AUTS2: variants seen among roughly 807,000 people sequenced by gnomAD.
The protein encoded by AUTS2 is activator of transcription and developmental regulator AUTS2.
Under a neutral mutation model 112.4 loss-of-function variants are expected in AUTS2, and 17 were observed. That is an observed-to-expected ratio of 0.15 (90% CI 0.10 to 0.23). The LOEUF is 0.23. Among genes scored for constraint, AUTS2 ranks in the 10% least tolerant of loss-of-function variants. The pLI is 1.00. For synonymous variants in AUTS2, 751 were observed against 702.7 expected (o/e 1.07, Z -1.09); for missense variants, 1,510 against 1,701.6 (o/e 0.89, Z 1.98).
chr7:69,710,074 G>A (rs1199731922), intron 1 of AUTS2, among the ~76,000 whole-genome samples: 1 of 152,130 alleles, frequency 6.6e-6, no homozygotes, highest in Non-Finnish European at 1.5e-5. Flanking sequence ...CCTCTAAATT[G>A]TAGGAAGATC....
chr7:69,989,763 C>T (rs916617532), intron 2 of AUTS2, among the ~76,000 whole-genome samples: 1 of 152,186 alleles, frequency 6.6e-6, no homozygotes. Context: ...TGGTACCTGT[C>T]CATAGCCCAT....
intron 2 of AUTS2, among the ~76,000 whole-genome samples, chr7:69,981,888 C>T (rs1450921606): frequency 5.3e-5 from 8 of 152,096 alleles, no homozygotes; most frequent in Admixed American, 4.6e-4. Flanking sequence ...GTAATTTATT[C>T]CCAGTTGTTT....
intron 4 of AUTS2, among the ~76,000 whole-genome samples, chr7:70,278,673 G>A (rs1788062061): frequency 6.6e-6 from 1 of 152,030 alleles, no homozygotes; most frequent in Non-Finnish European, 1.5e-5. Flanking sequence ...ACTTTAAAAA[G>A]CATTGAAATG....
intron 4 of AUTS2, among the ~76,000 whole-genome samples, chr7:70,223,614 CT>C (rs1172179836): frequency 6.6e-6 from 1 of 152,152 alleles, no homozygotes; most frequent in Non-Finnish European, 1.5e-5. Context: ...TAATTTTACA[CT>C]TATTTTAGTG....
At chr7:70,090,283 T>A (rs979047270) in intron 2 of AUTS2, among the ~76,000 whole-genome samples, 2 of 152,072 alleles carry the variant, frequency 1.3e-5, no homozygotes, top group African/African-American at 4.8e-5. Flanking sequence ...AATTCTACTT[T>A]TATATATGTT....
intron 4 of AUTS2, among the ~76,000 whole-genome samples, chr7:70,314,585 A>G (rs541019825): frequency 2.6e-5 from 4 of 152,244 alleles, no homozygotes; most frequent in African/African-American, 7.2e-5. Flanking sequence ...ACAGTCCTCA[A>G]ATTTGTTGCT....
At chr7:69,640,057 C>A (rs1320782151) in intron 1 of AUTS2, among the ~76,000 whole-genome samples, 1 of 152,204 alleles carries the variant, frequency 6.6e-6, no homozygotes, top group Non-Finnish European at 1.5e-5. Flanking sequence ...TGGATGATTT[C>A]TATGGCAACT....
chr7:69,823,671 C>G (rs991715560), intron 1 of AUTS2, among the ~76,000 whole-genome samples: 7 of 152,118 alleles, frequency 4.6e-5, no homozygotes, highest in African/African-American at 7.2e-5. Flanking sequence ...TACTGGGGAT[C>G]ACTTCAGCTT....
intron 5 of AUTS2, among the ~76,000 whole-genome samples, chr7:70,696,725 C>T (rs1225986171): frequency 1.3e-5 from 2 of 152,090 alleles, no homozygotes; most frequent in African/African-American, 2.4e-5. Context: ...TGGTCAGGAA[C>T]CATTTACTTT....
At chr7:69,827,001 T>A (rs1361441750) in intron 1 of AUTS2, among the ~76,000 whole-genome samples, 5 of 152,190 alleles carry the variant, frequency 3.3e-5, no homozygotes, top group Non-Finnish European at 5.9e-5. Context: ...CTGTCTTTAT[T>A]AGGCATTTGG....
chr7:69,803,514 GT>G (rs1261875273), intron 1 of AUTS2, among the ~76,000 whole-genome samples: 1 of 94,608 alleles, frequency 1.1e-5, no homozygotes, highest in Non-Finnish European at 2.0e-5. Flanking sequence ...GCATACAAAT[GT>G]TACCATCTTT....
chr7:70,462,957 C>CAA lies in AUTS2; in HGVS notation c.690+27189_690+27190dup, dbSNP rs11376710. ...TGGGTGACAGAGCGAGACTCCGTCTCAAAAAAAAAAAAAATCTGCTGGGGA... is the reference window on the plus strand; with the variant it reads ...TGGGTGACAGAGCGAGACTCCGTCTCAAAAAAAAAAAAAAAATCTGCTGGGGA... On this transcript the variant is annotated intron_variant, in intron 5 of 18. Coordinates refer to ENST00000342771, the MANE Select transcript of AUTS2 (RefSeq NM_015570.4). Among the ~76,000 whole-genome samples the CAA allele has an allele frequency of 1.4e-4, 20 of 138,964 alleles. 1 individual carries two copies. Among genetic ancestry groups the CAA allele is most frequent in the Middle Eastern group, 7.4e-3 (2 of 272 alleles). 91.2% of individuals were successfully genotyped at this position (138,964 alleles called of 152,430 possible).
chr7:69,768,813 C>T (rs1029045270), intron 1 of AUTS2, among the ~76,000 whole-genome samples: 1 of 152,106 alleles, frequency 6.6e-6, no homozygotes, highest in Non-Finnish European at 1.5e-5. Context: ...AAGACGGGCT[C>T]CTGCAAGGAG....
At chr7:70,254,906 A>G (rs1786779724) in intron 4 of AUTS2, among the ~76,000 whole-genome samples, 1 of 152,054 alleles carries the variant, frequency 6.6e-6, no homozygotes. Context: ...GGTTAGTGGT[A>G]TTTCAGTTGA....
At chr7:70,609,344 T>G (rs1423265841) in intron 5 of AUTS2, among the ~76,000 whole-genome samples, 1 of 151,932 alleles carries the variant, frequency 6.6e-6, no homozygotes, top group Non-Finnish European at 1.5e-5. Flanking sequence ...TTTCACTTGG[T>G]ATAATGTTCT....
chr7:69,648,877 T>C (rs1213441877), intron 1 of AUTS2, among the ~76,000 whole-genome samples: 1 of 152,228 alleles, frequency 6.6e-6, no homozygotes, highest in Non-Finnish European at 1.5e-5. Flanking sequence ...TAAATGTAAA[T>C]AAATTATGCA....
chr7:70,379,537 A>G (rs1226784862), intron 4 of AUTS2, among the ~76,000 whole-genome samples: 2 of 152,038 alleles, frequency 1.3e-5, no homozygotes, highest in Non-Finnish European at 2.9e-5. Flanking sequence ...AACTATCATT[A>G]GACTTAATTT....
At chr7:70,262,774 T>C (rs1040599661) in intron 4 of AUTS2, among the ~76,000 whole-genome samples, 5 of 152,176 alleles carry the variant, frequency 3.3e-5, no homozygotes, top group Admixed American at 2.0e-4. Flanking sequence ...CCTGTGATGA[T>C]GATTCCAAAC....
At chr7:70,628,927 G>T (rs546036254) in intron 5 of AUTS2, among the ~76,000 whole-genome samples, 1 of 152,188 alleles carries the variant, frequency 6.6e-6, no homozygotes, top group South Asian at 2.1e-4. Context: ...GGCAGACATT[G>T]GGGGGAAGTG....
Sources: gnomAD v4.1 joint callset for allele counts (sites outside exome capture counted in the v4.1 genomes callset) on GRCh38, gnomAD v4.1.1 for gene constraint, MANE v1.5 for transcripts, NCBI Gene and HGNC (gene_info 2026-07-23, HGNC 2026-07-21) for gene names.